The following CCDC149 variants were observed in gnomAD, a reference collection of about 807,000 sequenced individuals.
The protein encoded by CCDC149 is coiled-coil domain containing 149.
CCDC149 carries 45 observed loss-of-function variants against 59.9 expected under a neutral mutation model. The observed-to-expected ratio is 0.75, with a 90% CI of 0.59 to 0.96. CCDC149 has a LOEUF of 0.96. Ranked by LOEUF, CCDC149 falls within the 40% of genes least tolerant of loss-of-function variation. CCDC149 has a pLI of 0.00. For synonymous variants in CCDC149, 245 were observed against 260.6 expected, an observed-to-expected ratio of 0.94 and a Z score of 0.58; for missense variants, 584 against 664.7, an observed-to-expected ratio of 0.88 and a Z score of 1.33.
At chr4:24,923,075 G>A (rs1056687993) in intron 1 of CCDC149, among the ~76,000 whole-genome samples, 5 of 152,040 alleles carry the variant, frequency 3.3e-5, no homozygotes, top group African/African-American at 7.3e-5. Context: ...TATCAGAAGC[G>A]CCCCTGATGA....
intron 3 of CCDC149, among the ~76,000 whole-genome samples, chr4:24,862,750 C>T (rs895617341): frequency 2.6e-5 from 4 of 152,198 alleles, no homozygotes; most frequent in Non-Finnish European, 4.4e-5. Context: ...TTCCTGGTTG[C>T]TTTCCCACAA....
At chr4:24,925,718 A>G (rs1383633999) in intron 1 of CCDC149, among the ~76,000 whole-genome samples, 1 of 152,150 alleles carries the variant, frequency 6.6e-6, no homozygotes, top group Non-Finnish European at 1.5e-5. Flanking sequence ...AAGGACTTTT[A>G]TGTTCCTGGA....
intron 1 of CCDC149, among the ~76,000 whole-genome samples, chr4:24,933,412 T>C (rs1200995153): frequency 2.0e-5 from 3 of 152,208 alleles, no homozygotes; most frequent in Admixed American, 2.0e-4. Flanking sequence ...TCTAGCAAAC[T>C]GATAGAGAAC....
chr4:24,819,827 A>C (rs1342894633), intron 12 of CCDC149, 32 bp downstream of exon 12: 2 of 1,458,384 alleles, frequency 1.4e-6, no homozygotes, highest in African/African-American at 2.8e-5. Context: ...GGCACAGTCC[A>C]GGTAAAGATG....
chr4:24,874,683 C>T (rs1335475557), intron 2 of CCDC149, among the ~76,000 whole-genome samples: 1 of 152,176 alleles, frequency 6.6e-6, no homozygotes, highest in African/African-American at 2.4e-5. Context: ...TAAATGAGCA[C>T]TCTAATATCT....
chr4:24,860,244 C>T lies in CCDC149; in HGVS notation c.265-7065G>A, dbSNP rs530235760. Among the ~76,000 whole-genome samples the T allele has an allele frequency of 7.2e-5, 11 of 152,144 alleles. No individual in the cohort carries two copies. In the South Asian group the frequency reaches 1.7e-3, roughly 23 times the overall value. On this transcript the variant is annotated intron_variant, in intron 3 of 12. Transcript: ENST00000635206. ...CAGCATGGTACTGACACAAAAACAG[C>T]AACATAGATCAATGGAGCAGAATAG...
rs147700831 is a variant in CCDC149 at position 24,854,626 on chromosome 4, C to T, written c.265-1447G>A. On this transcript the variant is annotated intron_variant, in intron 3 of 12. Coordinates refer to ENST00000635206, the MANE Select transcript of CCDC149 (RefSeq NM_001330643.2). Reference sequence around the variant, plus strand: ...GGCTAAATTTCCAAAGACTTCAATGCTAATACTTTGGGGAATATGTAACTA... The same window carrying T: ...GGCTAAATTTCCAAAGACTTCAATGTTAATACTTTGGGGAATATGTAACTA... Among the ~76,000 whole-genome samples, 310 of 152,262 alleles carry T rather than the reference C, an allele frequency of 2.0e-3. 3 individuals carry two copies. The highest frequency in any genetic ancestry group is 6.7e-3 in the African/African-American group (280 of 41,548).
intron 1 of CCDC149, among the ~76,000 whole-genome samples, chr4:24,960,252 T>C (rs1723600759): frequency 6.6e-6 from 1 of 152,172 alleles, no homozygotes; most frequent in Admixed American, 6.5e-5. Flanking sequence ...ACAAAAAAGA[T>C]AATATAATTC....
At chr4:24,975,230 C>T (rs2109371315) in intron 1 of CCDC149, among the ~76,000 whole-genome samples, 1 of 151,224 alleles carries the variant, frequency 6.6e-6, no homozygotes, top group East Asian at 2.0e-4. Context: ...GATAACTATT[C>T]TGTTATAGCA....
rs1721983288 is a variant in CCDC149, at chr4:24,912,932, G to A, written c.-53C>T. 2.7e-6 allele frequency: 3 copies of A among 1,115,900 alleles called. No homozygotes were observed. The highest frequency in any genetic ancestry group is 2.3e-6 in the Non-Finnish European group (2 of 867,352). 69.1% of individuals were successfully genotyped at this position (1,115,900 alleles called of 1,614,324 possible). A position where few individuals can be genotyped will look rare whatever the true frequency, so the allele number is the denominator to read the frequency against. On this transcript the variant is annotated 5_prime_UTR_variant, in exon 1 of 13. In the 5' UTR this introduces an upstream ATG that the reference lacks. Coordinates refer to ENST00000635206, the MANE Select transcript of CCDC149 (RefSeq NM_001330643.2). The stretch of plus-strand genomic sequence containing the variant: ...CGCCTCCTCCTCCTCGCGACGTCGC[G>A]TCGCCGCCGCCGCCCGGGCCCCGCG...
At chr4:24,892,364 C>T (rs1435700552) in intron 1 of CCDC149, among the ~76,000 whole-genome samples, 2 of 152,182 alleles carry the variant, frequency 1.3e-5, no homozygotes, top group East Asian at 1.9e-4. Context: ...GAAAAGAAGG[C>T]TTTTAGCCCA....
chr4:24,929,645 T>A (rs1215554225), intron 1 of CCDC149, among the ~76,000 whole-genome samples: 2 of 152,156 alleles, frequency 1.3e-5, no homozygotes, highest in African/African-American at 2.4e-5. Context: ...TCCAAGTGAA[T>A]CTCTGACTTT....
intron 4 of CCDC149, among the ~76,000 whole-genome samples, chr4:24,848,662 C>T (rs1039282900): frequency 1.3e-4 from 20 of 152,000 alleles, no homozygotes; most frequent in Admixed American, 1.1e-3. Context: ...AAAGAGAAGC[C>T]ACATACTGCT....
At chr4:24,912,680 C>A (rs945672880) in intron 1 of CCDC149, 137 bp downstream of exon 1, 6 of 450,538 alleles carry the variant, frequency 1.3e-5, no homozygotes, top group African/African-American at 1.1e-4. Context: ...CGGGGTCGCG[C>A]GGGTGCGGCA....
chr4:24,821,892 C>T (rs1715425969), intron 10 of CCDC149, among the ~76,000 whole-genome samples: 1 of 151,990 alleles, frequency 6.6e-6, no homozygotes. Flanking sequence ...GAAAAAAAAT[C>T]ACAGGAAATT....
rs1409769834 is a variant in CCDC149 at position 24,838,061 on chromosome 4, AT to A, written c.489+94del. The A allele has an allele frequency of 3.1e-6, 3 of 973,680 alleles. No individual in the cohort carries two copies. The African/African-American group carries it at 4.8e-5, about 16-fold the overall frequency. The allele number at this position is 973,680 out of a possible 1,614,324, so 60.3% of individuals were successfully genotyped here. On this transcript the variant is annotated intron_variant, in intron 5 of 12. Transcript: ENST00000635206. ...ATTCAACGTGCATCCCAGGCACCCC[AT>A]ACTCTGAGAAACGAGGGGCACAGTC...
At chr4:24,897,079 C>A (rs187605555) in intron 1 of CCDC149, among the ~76,000 whole-genome samples, 1 of 152,042 alleles carries the variant, frequency 6.6e-6, no homozygotes. Flanking sequence ...CAACCCATGG[C>A]GGCCAGGGAG....
intron 1 of CCDC149, among the ~76,000 whole-genome samples, chr4:24,951,711 A>G (rs1723297106): frequency 6.6e-6 from 1 of 152,174 alleles, no homozygotes; most frequent in Admixed American, 6.5e-5. Context: ...TTTTGTGGCC[A>G]TTTATACCTC....
chr4:24,929,015 A>G (rs1400945501), intron 1 of CCDC149, among the ~76,000 whole-genome samples: 3 of 152,220 alleles, frequency 2.0e-5, no homozygotes, highest in African/African-American at 7.2e-5. Context: ...TAATTTAAAC[A>G]AAGAATCAGT....
Sources: allele counts gnomAD v4.1 joint callset (sites outside exome capture counted in the v4.1 genomes callset), GRCh38; gene constraint gnomAD v4.1.1; transcripts MANE v1.5; gene names NCBI Gene and HGNC (gene_info 2026-07-23, HGNC 2026-07-21).